RGS9: variants seen among roughly 807,000 people sequenced by gnomAD.
The protein encoded by RGS9 is regulator of G-protein signalling 9.
RGS9 carries 78 observed loss-of-function variants against 102.0 expected under a neutral mutation model. The ratio of observed to expected loss-of-function variants is 0.76; its 90% CI spans 0.64 to 0.92. RGS9 has a LOEUF of 0.92. Ranked by LOEUF, RGS9 falls within the 40% of genes least tolerant of loss-of-function variation. The probability of loss-of-function intolerance (pLI) is 0.00; values close to 1 mark genes in which losing one functional copy is unlikely to be tolerated. For missense variants in RGS9, 833 were observed against 866.1 expected (o/e 0.96, Z 0.48); for synonymous variants, 353 against 318.6 (o/e 1.11, Z -1.15).
intron 13 of RGS9, among the ~76,000 whole-genome samples, chr17:65,198,910 A>G (rs561318944): frequency 2.6e-5 from 4 of 152,218 alleles, no homozygotes; most frequent in African/African-American, 9.7e-5. Context: ...CCCAGAAAAG[A>G]TGGATGGACT....
At chr17:65,218,927 CAATT>C (rs1383922312) in intron 17 of RGS9, among the ~76,000 whole-genome samples, 1 of 152,208 alleles carries the variant, frequency 6.6e-6, no homozygotes, top group African/African-American at 2.4e-5. Flanking sequence ...ACAGGAGAGA[CAATT>C]AAACCAAATG....
chr17:65,226,937 G>T (rs1430636874), intron 18 of RGS9, among the ~76,000 whole-genome samples: 2 of 152,184 alleles, frequency 1.3e-5, no homozygotes, highest in East Asian at 3.9e-4. Flanking sequence ...GTTTAAAGGG[G>T]TTGATGACTA....
chr17:65,168,573 G>A (rs935941166), intron 8 of RGS9, among the ~76,000 whole-genome samples: 29 of 137,942 alleles, frequency 2.1e-4, no homozygotes, highest in African/African-American at 7.9e-4. Flanking sequence ...TTTTTGCTAG[G>A]ATATCATACC....
At chr17:65,155,733 G>A (rs749616143) in intron 2 of RGS9, among the ~76,000 whole-genome samples, 42 of 152,246 alleles carry the variant, frequency 2.8e-4, no homozygotes, top group Admixed American at 9.8e-4. Context: ...TGCAAGAATG[G>A]CAATCCCTCC....
Position 65,196,996 on chromosome 17 carries a change from T to C in RGS9, c.861-130T>C, listed in dbSNP as rs1286076049. ...GCAAGTGATTACTTGGCTTGTGTGT[T>C]ATGCAGGGATTGGGAGGAGGAGGAT... is the stretch of plus-strand genomic sequence containing the variant. On this transcript the variant is annotated intron_variant, in intron 12 of 18. Transcript: ENST00000262406. The C allele has an allele frequency of 9.8e-6, 7 of 712,286 alleles. No homozygotes were observed. The Admixed American group carries it at 1.4e-4, about 14-fold the overall frequency. The allele number at this position is 712,286 out of a possible 1,614,324, so 44.1% of individuals were successfully genotyped here.
chr17:65,160,592 A>C lies in RGS9; in HGVS notation c.364+5A>C. 1 of 1,614,012 alleles carries C rather than the reference A, an allele frequency of 6.2e-7. No homozygotes were observed. Among genetic ancestry groups the C allele is most frequent in the South Asian group, 1.1e-5 (1 of 91,074 alleles). On this transcript the variant is annotated splice_donor_5th_base_variant and intron_variant, in intron 5 of 18. Coordinates refer to ENST00000262406, the MANE Select transcript of RGS9 (RefSeq NM_003835.4). ...CAGCTGAAGATACCGATTACGGTAAATACTTCAGCCCCAACTATGCCTTTG... is the reference window on the plus strand; with the variant it reads ...CAGCTGAAGATACCGATTACGGTAACTACTTCAGCCCCAACTATGCCTTTG...
At chr17:65,142,361 G>A (rs1418709564) in intron 1 of RGS9, among the ~76,000 whole-genome samples, 2 of 152,204 alleles carry the variant, frequency 1.3e-5, no homozygotes, top group East Asian at 3.9e-4. Context: ...ATGAGAAGCT[G>A]TTTGACGTTT....
chr17:65,199,245 T>C (rs1479293388), intron 13 of RGS9, among the ~76,000 whole-genome samples: 1 of 152,188 alleles, frequency 6.6e-6, no homozygotes, highest in African/African-American at 2.4e-5. Flanking sequence ...TCATCACTAA[T>C]TCTAGAACAT....
intron 17 of RGS9, among the ~76,000 whole-genome samples, chr17:65,218,861 A>G (rs1299300625): frequency 6.6e-6 from 1 of 152,258 alleles, no homozygotes; most frequent in Non-Finnish European, 1.5e-5. Context: ...GCATCCTGCT[A>G]AGTGCTTGGG....
chr17:65,210,659 A>G (rs1204642605), intron 17 of RGS9, 54 bp downstream of exon 17: 1 of 1,608,336 alleles, frequency 6.2e-7, no homozygotes, highest in African/African-American at 1.3e-5. Context: ...TGCCTCCTAA[A>G]TAAATCTGTG....
At chr17:65,161,397 G>A (rs1910976105) in intron 6 of RGS9, among the ~76,000 whole-genome samples, 1 of 152,074 alleles carries the variant, frequency 6.6e-6, no homozygotes, top group Non-Finnish European at 1.5e-5. Flanking sequence ...GATTACAGGC[G>A]TGTGCCACCA....
chr17:65,180,822 C>T (rs1911856032), intron 9 of RGS9, among the ~76,000 whole-genome samples: 1 of 152,166 alleles, frequency 6.6e-6, no homozygotes, highest in Non-Finnish European at 1.5e-5. Flanking sequence ...TCAAGTAGGC[C>T]TGGGTGTCTG....
intron 12 of RGS9, among the ~76,000 whole-genome samples, chr17:65,194,008 C>A (rs1912484683): frequency 6.6e-6 from 1 of 152,080 alleles, no homozygotes; most frequent in Non-Finnish European, 1.5e-5. Context: ...ATCCCAAGGG[C>A]TACTCGATTC....
rs369227084 is a variant in RGS9 at position 65,225,278 on chromosome 17, G to C, written c.1684G>C (p.Asp562His). Residue 562 changes from aspartate (D) to histidine (H), a missense_variant, in exon 18 of 19, where the codon GAC becomes CAC. Physicochemically the swap from Asp to His is moderately conservative, Grantham distance 81. Coordinates refer to ENST00000262406, the MANE Select transcript of RGS9 (RefSeq NM_003835.4). ...CACCGAGAGCAGCGAGGCCTCCCTCGACACCTCCTGGCCTCGCAGCCGGCC... is the reference window on the plus strand; with the variant it reads ...CACCGAGAGCAGCGAGGCCTCCCTCCACACCTCCTGGCCTCGCAGCCGGCC... Reference protein sequence around the residue: ...SVTESSEASLDTSWPRSRPRA... With the variant: ...SVTESSEASLHTSWPRSRPRA... 1.9e-6 allele frequency: 3 copies of C among 1,608,594 alleles called. No homozygotes were observed. The highest frequency in any genetic ancestry group is 2.2e-5 in the South Asian group (2 of 91,046).
chr17:65,183,745 C>G (rs978050356), intron 9 of RGS9, among the ~76,000 whole-genome samples: 6 of 152,178 alleles, frequency 3.9e-5, no homozygotes, highest in Non-Finnish European at 5.9e-5. Context: ...TGCTTGGCCC[C>G]CCACCTGAGT....
intron 7 of RGS9, among the ~76,000 whole-genome samples, chr17:65,167,502 A>G (rs1471602039): frequency 6.6e-6 from 1 of 152,174 alleles, no homozygotes; most frequent in Non-Finnish European, 1.5e-5. Context: ...GCGCCGGGCC[A>G]TAAATAGCCT....
At chr17:65,171,325 C>T (rs143223745) in intron 8 of RGS9, among the ~76,000 whole-genome samples, 2 of 152,316 alleles carry the variant, frequency 1.3e-5, no homozygotes, top group East Asian at 1.9e-4. Context: ...ACCTCATTGA[C>T]GCCTGATGCT....
chr17:65,188,140 A>G (rs1387424169), intron 9 of RGS9, among the ~76,000 whole-genome samples: 2 of 152,032 alleles, frequency 1.3e-5, no homozygotes, highest in Non-Finnish European at 2.9e-5. Context: ...CAGGAGTTAC[A>G]TGGAGCAGAA....
At position 65,182,046 on chromosome 17, in the gene RGS9, G is replaced by C. The variant is rs78501002; in HGVS notation, c.654+4243G>C. Among the ~76,000 whole-genome samples the C allele has an allele frequency of 8.9e-3, 1,359 of 152,306 alleles. 19 individuals are homozygous for C. Among genetic ancestry groups the C allele is most frequent in the African/African-American group, 0.031 (1,300 of 41,562 alleles). The stretch of plus-strand genomic sequence containing the variant: ...CTTCTCCCCTGGTTAGAGGTGGAAG[G>C]AGGGGTTACATGCCAATTTCAACCT... On this transcript the variant is annotated intron_variant, in intron 9 of 18. Transcript: ENST00000262406.
Sources: allele counts gnomAD v4.1 joint callset (sites outside exome capture counted in the v4.1 genomes callset), GRCh38; gene constraint gnomAD v4.1.1; transcripts MANE v1.5; gene names NCBI Gene and HGNC (gene_info 2026-07-23, HGNC 2026-07-21).